The following SEMA3A variants were observed in gnomAD, a reference collection of about 807,000 sequenced individuals.
SEMA3A encodes the protein semaphorin-3A.
In SEMA3A, 29 loss-of-function variants were observed where a neutral mutation model predicts 97.9. That is an observed-to-expected ratio of 0.30 (90% CI 0.22 to 0.40). The LOEUF is 0.40. Among genes scored for constraint, SEMA3A ranks in the 10% least tolerant of loss-of-function variants. The pLI is 1.00. For missense variants in SEMA3A, 763 were observed against 951.3 expected (o/e 0.80, Z 2.60); for synonymous variants, 321 against 323.7 (o/e 0.99, Z 0.09).
At chr7:83,970,419 T>C (rs1026990758) in intron 15 of SEMA3A, among the ~76,000 whole-genome samples, 3 of 152,200 alleles carry the variant, frequency 2.0e-5, no homozygotes. Context: ...TCTTCCAATA[T>C]AGCAGAAACA....
intron 2 of SEMA3A, among the ~76,000 whole-genome samples, chr7:84,313,529 T>C (rs1266305410): frequency 6.6e-6 from 1 of 150,820 alleles, no homozygotes; most frequent in Non-Finnish European, 1.5e-5. Context: ...ATTTGCAGTA[T>C]AGTTTTATTA....
intron 3 of SEMA3A, among the ~76,000 whole-genome samples, chr7:84,232,751 C>T (rs1435353858): frequency 6.6e-6 from 1 of 151,866 alleles, no homozygotes; most frequent in Non-Finnish European, 1.5e-5. Context: ...CTTGAAATGC[C>T]TCCAAGTTCT....
chr7:84,020,732 T>C (rs1470480337), intron 6 of SEMA3A, among the ~76,000 whole-genome samples: 1 of 152,158 alleles, frequency 6.6e-6, no homozygotes, highest in Non-Finnish European at 1.5e-5. Context: ...ATTTATATGG[T>C]TTTCATTTTG....
At chr7:84,337,465 C>A (rs1802065034) in intron 2 of SEMA3A, among the ~76,000 whole-genome samples, 1 of 152,112 alleles carries the variant, frequency 6.6e-6, no homozygotes, top group Non-Finnish European at 1.5e-5. Flanking sequence ...TTCCAGTGTG[C>A]TATTTGGCTA....
chr7:84,317,296 C>T lies in SEMA3A; in HGVS notation c.-168-10004G>A, dbSNP rs185589434. On this transcript the variant is annotated intron_variant, in intron 2 of 3. Coordinates refer to the SEMA3A transcript ENST00000424555. ...TACATTTTATTTTCTGTTTCACTCT[C>T]TGATTTTCTACAGATAAAAGTACTG... Among the ~76,000 whole-genome samples, 9 of 152,222 alleles carry T rather than the reference C, an allele frequency of 5.9e-5. No individual in the cohort carries two copies. The East Asian group carries it at 1.7e-3, about 29-fold the overall frequency.
intron 4 of SEMA3A, among the ~76,000 whole-genome samples, chr7:84,099,197 A>G (rs1396468626): frequency 9.2e-6 from 1 of 108,388 alleles, no homozygotes; most frequent in African/African-American, 2.8e-5. Context: ...CAGCCTCCCG[A>G]GTAGCTGGGA....
chr7:84,115,253 A>C (rs1795390031), intron 3 of SEMA3A, among the ~76,000 whole-genome samples: 1 of 152,072 alleles, frequency 6.6e-6, no homozygotes, highest in African/African-American at 2.4e-5. Flanking sequence ...GAATTATATG[A>C]TTAAACTAAA....
chr7:84,262,534 A>G (rs1799883376), intron 3 of SEMA3A, among the ~76,000 whole-genome samples: 1 of 152,152 alleles, frequency 6.6e-6, no homozygotes, highest in Non-Finnish European at 1.5e-5. Flanking sequence ...CAATCATACT[A>G]ATATATTTAT....
At chr7:84,054,658 C>A (rs1792866439) in intron 5 of SEMA3A, among the ~76,000 whole-genome samples, 1 of 139,508 alleles carries the variant, frequency 7.2e-6, no homozygotes, top group Non-Finnish European at 1.6e-5. Flanking sequence ...AATGTCCTCC[C>A]GTAGCTCAGA....
In SEMA3A at chr7:84,014,290, T is replaced by C. The variant is rs1791004025; in HGVS notation, c.729A>G (p.Val243=). ...TTGCATTTTCACGGAAGAAAAAGTA[T>C]ACTTTGTCATCTTCAGGATTGTCAC... ...SESDNPEDDK[V]YFFFRENAID... The change falls in exon 7 of 17, where the codon GTA becomes GTG. Residue 243 remains valine (V), a synonymous_variant. Coordinates refer to ENST00000265362, the MANE Select transcript of SEMA3A (RefSeq NM_006080.3). 5.0e-6 allele frequency: 8 copies of C among 1,613,164 alleles called. No individual in the cohort carries two copies. In the East Asian group the frequency reaches 8.9e-5, roughly 18 times the overall value.
chr7:84,150,343 T>A (rs374640875), intron 1 of SEMA3A, among the ~76,000 whole-genome samples: 1 of 152,140 alleles, frequency 6.6e-6, no homozygotes, highest in African/African-American at 2.4e-5. Flanking sequence ...TTCATCTCAC[T>A]GGGGAGTGCC....
intron 4 of SEMA3A, among the ~76,000 whole-genome samples, chr7:84,101,837 C>T (rs1794967937): frequency 6.6e-6 from 1 of 151,930 alleles, no homozygotes; most frequent in Non-Finnish European, 1.5e-5. Context: ...TGAAATGAGA[C>T]TAGTCTAAAT....
intron 1 of SEMA3A, among the ~76,000 whole-genome samples, chr7:84,464,428 G>A (rs1311071549): frequency 1.3e-5 from 2 of 152,174 alleles, no homozygotes; most frequent in Non-Finnish European, 2.9e-5. Flanking sequence ...GGAAGATATG[G>A]AGAAAGAACG....
chr7:84,052,940 A>G (rs1792751642), intron 5 of SEMA3A, among the ~76,000 whole-genome samples: 1 of 151,472 alleles, frequency 6.6e-6, no homozygotes, highest in African/African-American at 2.4e-5. Context: ...TTCAAAGAAC[A>G]TCTTTATTTC....
chr7:84,081,594 TAAAAAAAA>T (rs5885397), intron 4 of SEMA3A, among the ~76,000 whole-genome samples: 1 of 113,982 alleles, frequency 8.8e-6, no homozygotes, highest in Admixed American at 9.3e-5. Flanking sequence ...CTCCGTCTCT[TAAAAAAAA>T]AAAAAAAAAA....
intron 12 of SEMA3A, among the ~76,000 whole-genome samples, chr7:83,998,260 A>G (rs1311959457): frequency 6.6e-6 from 1 of 152,200 alleles, no homozygotes; most frequent in African/African-American, 2.4e-5. Context: ...CCTAGGCTAG[A>G]TGATAGTCTG....
intron 15 of SEMA3A, among the ~76,000 whole-genome samples, chr7:83,966,134 GTGGCAAGCTTTT>G (rs1788685588): frequency 6.6e-6 from 1 of 151,952 alleles, no homozygotes. Flanking sequence ...TCCTCTGGTG[GTGGCAAGCTTTT>G]TCCAATGTAC....
At chr7:84,441,433 T>C (rs1290467166) in intron 1 of SEMA3A, among the ~76,000 whole-genome samples, 1 of 151,604 alleles carries the variant, frequency 6.6e-6, no homozygotes, top group Admixed American at 6.6e-5. Flanking sequence ...AGATTAAAAG[T>C]GTGATTTTAG....
intron 1 of SEMA3A, among the ~76,000 whole-genome samples, chr7:84,481,786 A>C (rs1405847235): frequency 3.3e-5 from 5 of 151,934 alleles, no homozygotes; most frequent in African/African-American, 4.8e-5. Flanking sequence ...GGAAGAAATG[A>C]ATTTTAATTA....
Sources: allele counts gnomAD v4.1 joint callset (sites outside exome capture counted in the v4.1 genomes callset), GRCh38; gene constraint gnomAD v4.1.1; transcripts MANE v1.5; gene names NCBI Gene and HGNC (gene_info 2026-07-23, HGNC 2026-07-21).